DPYD: variants seen among roughly 807,000 people sequenced by gnomAD.
The protein encoded by DPYD is dihydropyrimidine dehydrogenase [NADP(+)].
DPYD carries 109 observed loss-of-function variants against 116.2 expected under a neutral mutation model. That is an observed-to-expected ratio of 0.94 (90% CI 0.80 to 1.10). The LOEUF (loss-of-function observed/expected upper bound fraction) is 1.10, where lower values mean the gene tolerates loss of function less well. DPYD is among the 50% of genes least tolerant of loss of function. DPYD has a pLI of 0.00. For missense variants in DPYD, 1,302 were observed against 1,254.5 expected, an observed-to-expected ratio of 1.04 and a Z score of -0.57; for synonymous variants, 440 against 432.0, an observed-to-expected ratio of 1.02 and a Z score of -0.23.
At chr1:97,380,665 G>C (rs1671904916) in intron 15 of DPYD, among the ~76,000 whole-genome samples, 1 of 152,146 alleles carries the variant, frequency 6.6e-6, no homozygotes, top group Non-Finnish European at 1.5e-5. Context: ...GAAACAGTTG[G>C]CATGCTAGAG....
At chr1:97,190,275 G>C (rs1658262336) in intron 20 of DPYD, among the ~76,000 whole-genome samples, 1 of 152,072 alleles carries the variant, frequency 6.6e-6, no homozygotes, top group South Asian at 2.1e-4. Flanking sequence ...TCTCCATCAA[G>C]AGAAGCTTGT....
chr1:97,217,866 C>T (rs926584015), intron 19 of DPYD, among the ~76,000 whole-genome samples: 4 of 152,064 alleles, frequency 2.6e-5, no homozygotes, highest in Admixed American at 6.6e-5. Flanking sequence ...GGGAGATACT[C>T]GGAGGACTGA....
intron 16 of DPYD, among the ~76,000 whole-genome samples, chr1:97,350,464 T>A (rs1570574179): frequency 6.6e-6 from 1 of 152,146 alleles, no homozygotes; most frequent in Non-Finnish European, 1.5e-5. Context: ...CTCCTCCATA[T>A]ATAAGACTGA....
intron 20 of DPYD, among the ~76,000 whole-genome samples, chr1:97,184,585 C>T (rs753230770): frequency 1.7e-4 from 26 of 152,082 alleles, no homozygotes; most frequent in Admixed American, 8.5e-4. Context: ...GCAATTCTTT[C>T]AGTGCAGATA....
rs984197098 is a variant in DPYD, at chr1:97,436,201, T to C, written c.1905+13858A>G. 2.0e-5 allele frequency among the ~76,000 whole-genome samples: 3 copies of C among 151,982 alleles called. No homozygotes were observed. In the East Asian group the frequency reaches 5.8e-4, roughly 29 times the overall value. On this transcript the variant is annotated intron_variant, in intron 14 of 22. Transcript: ENST00000370192. The stretch of plus-strand genomic sequence containing the variant: ...GTTGAGTTCTCAACACTGATTGTTA[T>C]GAAATAGTACCAAATTGATACTAAG...
chr1:97,659,673 C>T (rs1557866529), intron 8 of DPYD, among the ~76,000 whole-genome samples: 1 of 152,114 alleles, frequency 6.6e-6, no homozygotes, highest in Non-Finnish European at 1.5e-5. Context: ...AATTTTTCAA[C>T]TTGCTATTTT....
intron 13 of DPYD, among the ~76,000 whole-genome samples, chr1:97,457,700 G>T (rs552442901): frequency 2.0e-5 from 3 of 152,112 alleles, no homozygotes; most frequent in African/African-American, 4.8e-5. Flanking sequence ...ACTAGTTCAC[G>T]GCTAAAGCTG....
intron 3 of DPYD, among the ~76,000 whole-genome samples, chr1:97,755,606 G>A (rs936661910): frequency 6.6e-6 from 1 of 152,082 alleles, no homozygotes; most frequent in Non-Finnish European, 1.5e-5. Context: ...TCTTTCAACT[G>A]ATCTCTCTTC....
intron 18 of DPYD, among the ~76,000 whole-genome samples, chr1:97,286,865 A>G (rs1040474766): frequency 1.3e-5 from 2 of 152,148 alleles, no homozygotes; most frequent in African/African-American, 4.8e-5. Flanking sequence ...TTTGGTTTGA[A>G]TTTCCTCCTG....
At chr1:97,298,371 T>C (rs946715169) in intron 18 of DPYD, among the ~76,000 whole-genome samples, 1 of 152,122 alleles carries the variant, frequency 6.6e-6, no homozygotes, top group African/African-American at 2.4e-5. Flanking sequence ...TGATGCATGC[T>C]AAAGTCTGAG....
Position 97,766,460 on chromosome 1 carries a change from T to C in DPYD, c.234-25981A>G, listed in dbSNP as rs1328961015. On this transcript the variant is annotated intron_variant, in intron 3 of 22. Coordinates refer to ENST00000370192, the MANE Select transcript of DPYD (RefSeq NM_000110.4). ...AGAGGGAATATAGAGAGGCCAAGGA[T>C]TGCTGAGTTGGAAAATAAAATTGTT... is the stretch of plus-strand genomic sequence containing the variant. 2.6e-5 allele frequency among the ~76,000 whole-genome samples: 4 copies of C among 151,922 alleles called. No homozygotes were observed. In the East Asian group the frequency reaches 7.8e-4, roughly 29 times the overall value.
At chr1:97,812,373 T>A (rs1449894455) in intron 3 of DPYD, among the ~76,000 whole-genome samples, 1 of 152,118 alleles carries the variant, frequency 6.6e-6, no homozygotes, top group Non-Finnish European at 1.5e-5. Flanking sequence ...CTACAATCAC[T>A]TTCTGTATAA....
At chr1:97,199,914 G>T (rs543487710) in intron 19 of DPYD, among the ~76,000 whole-genome samples, 1 of 152,194 alleles carries the variant, frequency 6.6e-6, no homozygotes, top group South Asian at 2.1e-4. Context: ...CAAGTGCCTG[G>T]CAGAGGCCAA....
chr1:97,384,470 AC>A (rs1672196533), intron 14 of DPYD, among the ~76,000 whole-genome samples: 1 of 152,106 alleles, frequency 6.6e-6, no homozygotes, highest in Non-Finnish European at 1.5e-5. Context: ...GGTATTTGGC[AC>A]GTATCAAAGA....
At chr1:97,431,203 T>G (rs1675159627) in intron 14 of DPYD, among the ~76,000 whole-genome samples, 2 of 152,138 alleles carry the variant, frequency 1.3e-5, no homozygotes, top group Admixed American at 1.3e-4. Flanking sequence ...ATCTGTCTTG[T>G]TCAATACTAG....
At chr1:97,353,767 G>A (rs2101351098) in intron 16 of DPYD, among the ~76,000 whole-genome samples, 1 of 152,070 alleles carries the variant, frequency 6.6e-6, no homozygotes, top group South Asian at 2.1e-4. Flanking sequence ...CTTTTCGGTA[G>A]TATTTATATA....
At chr1:97,708,722 T>G (rs1221456908) in intron 5 of DPYD, among the ~76,000 whole-genome samples, 1 of 152,036 alleles carries the variant, frequency 6.6e-6, no homozygotes, top group Non-Finnish European at 1.5e-5. Flanking sequence ...ATAGATCTAA[T>G]TGGGAAGACC....
At chr1:97,822,232 C>A (rs528916007) in intron 3 of DPYD, among the ~76,000 whole-genome samples, 11,175 of 147,784 alleles carry the variant, frequency 0.076, 428 homozygotes, top group Non-Finnish European at 0.083. Context: ...TTCTCTCTCT[C>A]TCTCTATATA....
At chr1:97,231,396 G>A (rs1661579533) in intron 19 of DPYD, among the ~76,000 whole-genome samples, 1 of 152,170 alleles carries the variant, frequency 6.6e-6, no homozygotes, top group South Asian at 2.1e-4. Context: ...AAGGAAAGAG[G>A]TCTAATTGAC....
Sources: allele counts gnomAD v4.1 joint callset (sites outside exome capture counted in the v4.1 genomes callset), GRCh38; gene constraint gnomAD v4.1.1; transcripts MANE v1.5; gene names NCBI Gene and HGNC (gene_info 2026-07-23, HGNC 2026-07-21).